PDE7B: variants seen among roughly 807,000 people sequenced by gnomAD.
The protein encoded by PDE7B is 3',5'-cyclic-AMP phosphodiesterase 7B.
In PDE7B, 29 loss-of-function variants were observed where a neutral mutation model predicts 56.2. The ratio of observed to expected loss-of-function variants is 0.52; its 90% CI spans 0.38 to 0.70. The LOEUF (loss-of-function observed/expected upper bound fraction) is 0.70. Ranked by LOEUF, PDE7B falls within the 30% of genes least tolerant of loss-of-function variation. The probability of loss-of-function intolerance (pLI) is 0.00; values close to 1 mark genes in which losing one functional copy is unlikely to be tolerated. For synonymous variants in PDE7B, 197 were observed against 196.9 expected (o/e 1.00, Z 0.00); for missense variants, 490 against 565.0 (o/e 0.87, Z 1.35).
At chr6:135,994,114 ATCTGTG>A (rs1562463156) in intron 2 of PDE7B, among the ~76,000 whole-genome samples, 1 of 100,990 alleles carries the variant, frequency 9.9e-6, no homozygotes, top group African/African-American at 4.2e-5. Flanking sequence ...CTTGTATTGG[ATCTGTG>A]TGTGTGTGTG....
At chr6:136,001,139 C>G (rs1775662044) in intron 2 of PDE7B, among the ~76,000 whole-genome samples, 1 of 151,516 alleles carries the variant, frequency 6.6e-6, no homozygotes, top group Non-Finnish European at 1.5e-5. Context: ...AGCTGAGGGT[C>G]CTGTCTGTTA....
At chr6:136,044,758 C>A (rs1298251115) in intron 2 of PDE7B, 1 of 152,116 alleles carries the variant, frequency 6.6e-6, no homozygotes, top group Non-Finnish European at 1.5e-5. Flanking sequence ...AAAGTGGCTT[C>A]TTCTACAGAT....
chr6:136,154,951 G>T (rs556271082), intron 7 of PDE7B, among the ~76,000 whole-genome samples: 1 of 152,288 alleles, frequency 6.6e-6, no homozygotes, highest in African/African-American at 2.4e-5. Context: ...CTGGGTGGGT[G>T]CCTCATCCCT....
chr6:136,027,965 A>G (rs1776181990), intron 2 of PDE7B, among the ~76,000 whole-genome samples: 1 of 152,148 alleles, frequency 6.6e-6, no homozygotes, highest in Non-Finnish European at 1.5e-5. Context: ...TATTGCATCT[A>G]TATTTATATT....
Position 136,016,954 on chromosome 6 carries a change from T to C in PDE7B, c.82+69430T>C, listed in dbSNP as rs149004203. Among the ~76,000 whole-genome samples, 109 of 152,338 alleles carry C rather than the reference T, an allele frequency of 7.2e-4. 1 individual carries two copies. The highest frequency in any genetic ancestry group is 2.5e-3 in the African/African-American group (105 of 41,570). ...GCAGCTTCTGGAAGATTCAAAGCAG[T>C]TGAATTGAAGGTAGGGACAGTTGCT... On this transcript the variant is annotated intron_variant, in intron 2 of 12. Coordinates refer to ENST00000308191, the MANE Select transcript of PDE7B (RefSeq NM_018945.4).
intron 1 of PDE7B, among the ~76,000 whole-genome samples, chr6:135,922,434 A>C (rs1774101437): frequency 6.6e-6 from 1 of 152,188 alleles, no homozygotes; most frequent in African/African-American, 2.4e-5. Flanking sequence ...TCTCTTATTC[A>C]TATGGAAGTA....
At chr6:136,149,972 G>T (rs1562506304) in intron 5 of PDE7B, among the ~76,000 whole-genome samples, 1 of 152,132 alleles carries the variant, frequency 6.6e-6, no homozygotes, top group Non-Finnish European at 1.5e-5. Context: ...CCATAATTTT[G>T]CATGTCATTT....
chr6:135,981,479 A>T (rs1249336588), intron 2 of PDE7B, among the ~76,000 whole-genome samples: 5 of 151,528 alleles, frequency 3.3e-5, no homozygotes, highest in African/African-American at 4.8e-5. Flanking sequence ...GACTACTGGT[A>T]TTTTGGTTTC....
intron 2 of PDE7B, among the ~76,000 whole-genome samples, chr6:135,977,191 G>T (rs956912460): frequency 6.6e-6 from 1 of 152,082 alleles, no homozygotes. Context: ...AACAGTAATG[G>T]CCAACCATAG....
At chr6:135,907,525 A>G (rs994633476) in intron 1 of PDE7B, among the ~76,000 whole-genome samples, 2 of 152,104 alleles carry the variant, frequency 1.3e-5, no homozygotes, top group African/African-American at 2.4e-5. Context: ...AATTAGTCCA[A>G]TACAAGCTAC....
chr6:135,947,847 A>C (rs932730351), intron 2 of PDE7B, among the ~76,000 whole-genome samples: 2 of 152,056 alleles, frequency 1.3e-5, no homozygotes, highest in African/African-American at 4.8e-5. Context: ...TAATTCCTAA[A>C]CCAAAGATGG....
chr6:135,877,006 T>G (rs955523487), intron 1 of PDE7B, among the ~76,000 whole-genome samples: 1 of 152,238 alleles, frequency 6.6e-6, no homozygotes, highest in African/African-American at 2.4e-5. Context: ...AAAATACTTT[T>G]GCTTCATATT....
At chr6:135,890,563 T>G (rs1562426832) in intron 1 of PDE7B, among the ~76,000 whole-genome samples, 1 of 152,164 alleles carries the variant, frequency 6.6e-6, no homozygotes, top group Non-Finnish European at 1.5e-5. Flanking sequence ...TGACTGGCAT[T>G]TTTGAGAATA....
chr6:136,104,081 G>A (rs1777607014), intron 2 of PDE7B, among the ~76,000 whole-genome samples: 1 of 152,200 alleles, frequency 6.6e-6, no homozygotes, highest in Non-Finnish European at 1.5e-5. Flanking sequence ...CTGTCGTCAG[G>A]TCAGGTCGTG....
intron 1 of PDE7B, among the ~76,000 whole-genome samples, chr6:135,873,023 C>T (rs905469929): frequency 6.6e-6 from 1 of 152,130 alleles, no homozygotes; most frequent in Non-Finnish European, 1.5e-5. Flanking sequence ...ATACTTCATT[C>T]TGTAAATAGA....
At chr6:136,145,345 T>G (rs1388542983) in intron 3 of PDE7B, among the ~76,000 whole-genome samples, 1 of 152,178 alleles carries the variant, frequency 6.6e-6, no homozygotes, top group Non-Finnish European at 1.5e-5. Flanking sequence ...CATTTTTAAA[T>G]GATTCCATCA....
chr6:136,078,888 T>C (rs552753581), intron 2 of PDE7B, among the ~76,000 whole-genome samples: 1 of 152,268 alleles, frequency 6.6e-6, no homozygotes, highest in South Asian at 2.1e-4. Context: ...AAATAAAAAG[T>C]AGCCCAAATT....
intron 2 of PDE7B, among the ~76,000 whole-genome samples, chr6:136,087,437 A>G (rs1777311568): frequency 6.6e-6 from 1 of 152,164 alleles, no homozygotes; most frequent in African/African-American, 2.4e-5. Context: ...AAGAAAGAAA[A>G]AAAAAGTTGT....
intron 8 of PDE7B, among the ~76,000 whole-genome samples, chr6:136,164,612 C>G (rs1362019181): frequency 6.6e-6 from 1 of 152,074 alleles, no homozygotes; most frequent in African/African-American, 2.4e-5. Context: ...AAGGATTATA[C>G]TATAAACTCA....
Sources: allele counts gnomAD v4.1 joint callset (sites outside exome capture counted in the v4.1 genomes callset), GRCh38; gene constraint gnomAD v4.1.1; transcripts MANE v1.5; gene names NCBI Gene and HGNC (gene_info 2026-07-23, HGNC 2026-07-21).